SCMH1: variants seen among roughly 807,000 people sequenced by gnomAD.
SCMH1 encodes polycomb protein SCMH1.
In SCMH1, 37 loss-of-function variants were observed where a neutral mutation model predicts 70.8. The observed-to-expected ratio is 0.52, with a 90% CI of 0.40 to 0.69. The LOEUF is 0.69. SCMH1 is among the 30% of genes least tolerant of loss of function. The pLI is 0.00. For synonymous variants in SCMH1, 292 were observed against 307.4 expected, an observed-to-expected ratio of 0.95 and a Z score of 0.52; for missense variants, 607 against 827.3, an observed-to-expected ratio of 0.73 and a Z score of 3.27.
chr1:41,182,299 T>C (rs1649019147), intron 2 of SCMH1, among the ~76,000 whole-genome samples: 1 of 152,164 alleles, frequency 6.6e-6, no homozygotes, highest in Non-Finnish European at 1.5e-5. Flanking sequence ...TGTATACATA[T>C]GTAACTAACC....
intron 8 of SCMH1, among the ~76,000 whole-genome samples, chr1:41,108,738 G>C (rs1019016254): frequency 9.2e-5 from 14 of 152,292 alleles, no homozygotes; most frequent in Non-Finnish European, 8.8e-5. Context: ...GGTGATAGGT[G>C]AGCTGATGAA....
chr1:41,083,334 G>C (rs1438243741), intron 8 of SCMH1, among the ~76,000 whole-genome samples: 4 of 152,108 alleles, frequency 2.6e-5, no homozygotes. Flanking sequence ...ACCAGTATCA[G>C]ACAAACAGAG....
chr1:41,123,214 T>G (rs1163497552), intron 6 of SCMH1, among the ~76,000 whole-genome samples: 2 of 152,172 alleles, frequency 1.3e-5, no homozygotes, highest in African/African-American at 2.4e-5. Context: ...ACAGCGAGAC[T>G]CTGCCTCAAT....
At chr1:41,141,797 T>A (rs1043458756) in intron 6 of SCMH1, among the ~76,000 whole-genome samples, 1 of 151,910 alleles carries the variant, frequency 6.6e-6, no homozygotes, top group Non-Finnish European at 1.5e-5. Context: ...GTTAGATTGA[T>A]TCAAAAAACT....
intron 6 of SCMH1, among the ~76,000 whole-genome samples, chr1:41,139,880 A>G (rs934910295): frequency 1.3e-5 from 2 of 152,186 alleles, no homozygotes; most frequent in Non-Finnish European, 2.9e-5. Flanking sequence ...AATTATATAT[A>G]ATAATGTATT....
At chr1:41,165,573 C>T (rs1345039054) in intron 2 of SCMH1, among the ~76,000 whole-genome samples, 1 of 152,074 alleles carries the variant, frequency 6.6e-6, no homozygotes, top group African/African-American at 2.4e-5. Context: ...TGATAAGAGC[C>T]AACCTAAAAG....
At chr1:41,099,491 C>T (rs1358396577) in intron 8 of SCMH1, among the ~76,000 whole-genome samples, 2 of 152,166 alleles carry the variant, frequency 1.3e-5, no homozygotes, top group African/African-American at 4.8e-5. Flanking sequence ...TTATCTCAGC[C>T]TTATTTACCT....
intron 1 of SCMH1, 66 bp downstream of exon 1, chr1:41,241,993 C>T (rs1168705605): frequency 6.6e-6 from 1 of 152,222 alleles, no homozygotes; most frequent in East Asian, 1.9e-4. Flanking sequence ...CCACCGCCTT[C>T]TGGCCCCAGG....
chr1:41,176,421 C>T (rs918801964), intron 2 of SCMH1, among the ~76,000 whole-genome samples: 10 of 152,244 alleles, frequency 6.6e-5, no homozygotes, highest in Admixed American at 1.3e-4. Flanking sequence ...GTGGGTGCAG[C>T]GCACTGAGCA....
rs1665128954 is a variant in SCMH1 at position 41,096,563 on chromosome 1, T to C, written c.745+16720A>G. On this transcript the variant is annotated intron_variant, in intron 8 of 14. Coordinates refer to ENST00000337495, the Ensembl canonical transcript of SCMH1. ...GACTGTAGTGAACTTTCTGCTACTA[T>C]GTTGCTACGTGGGAGGTGAAGAGCA... Among the ~76,000 whole-genome samples, 4 of 152,310 alleles carry C rather than the reference T, an allele frequency of 2.6e-5. No individual in the cohort carries two copies. The South Asian group carries it at 8.3e-4, about 32-fold the overall frequency.
At chr1:41,159,837 A>G in intron 4 of SCMH1, 1 of 1,368,086 alleles carries the variant, frequency 7.3e-7, no homozygotes, top group Non-Finnish European at 9.5e-7. Flanking sequence ...GCCGCTGAAC[A>G]GAATGAAAAT....
intron 10 of SCMH1, among the ~76,000 whole-genome samples, chr1:41,064,619 A>T (rs1322921589): frequency 2.6e-5 from 4 of 152,234 alleles, no homozygotes; most frequent in Non-Finnish European, 5.9e-5. Context: ...ATTTAAAATT[A>T]AAAAACACCA....
intron 8 of SCMH1, among the ~76,000 whole-genome samples, chr1:41,102,908 T>C (rs1352611745): frequency 6.6e-6 from 1 of 152,046 alleles, no homozygotes; most frequent in Admixed American, 6.5e-5. Flanking sequence ...GACAATAAAT[T>C]TTAACAGCTT....
chr1:41,132,209 AT>A (rs1203369359), intron 6 of SCMH1, among the ~76,000 whole-genome samples: 1 of 151,990 alleles, frequency 6.6e-6, no homozygotes, highest in Non-Finnish European at 1.5e-5. Flanking sequence ...TCCAGCATCT[AT>A]TGTTTCCAGA....
chr1:41,176,422 G>A (rs1465219267), intron 2 of SCMH1, among the ~76,000 whole-genome samples: 9 of 152,186 alleles, frequency 5.9e-5, no homozygotes, highest in Admixed American at 5.2e-4. Context: ...TGGGTGCAGC[G>A]CACTGAGCAT....
intron 7 of SCMH1, 21 bp downstream of exon 7, chr1:41,116,901 G>A (rs750373365): frequency 6.3e-7 from 1 of 1,582,842 alleles, no homozygotes; most frequent in Non-Finnish European, 8.6e-7. Context: ...TGGAGCTGGT[G>A]ATATCTGAGG....
intron 1 of SCMH1, among the ~76,000 whole-genome samples, chr1:41,212,555 T>A (rs1261079036): frequency 3.3e-5 from 5 of 152,068 alleles, no homozygotes; most frequent in African/African-American, 7.2e-5. Flanking sequence ...TAACATATAA[T>A]GGAGAACATC....
At chr1:41,077,712 C>A (rs565724233) in intron 8 of SCMH1, among the ~76,000 whole-genome samples, 25 of 152,248 alleles carry the variant, frequency 1.6e-4, no homozygotes, top group African/African-American at 5.8e-4. Context: ...TAGGCACAAT[C>A]CAGATGTGGT....
intron 6 of SCMH1, among the ~76,000 whole-genome samples, chr1:41,126,688 T>A (rs1044777638): frequency 1.3e-5 from 2 of 152,206 alleles, no homozygotes; most frequent in African/African-American, 4.8e-5. Context: ...TTTTTCACAT[T>A]AATGATATAT....
Sources: gnomAD v4.1 joint callset for allele counts (sites outside exome capture counted in the v4.1 genomes callset) on GRCh38, gnomAD v4.1.1 for gene constraint, MANE v1.5 for transcripts, NCBI Gene and HGNC (gene_info 2026-07-23, HGNC 2026-07-21) for gene names.